The following TTC6 variants were observed in gnomAD, a reference collection of about 807,000 sequenced individuals.
TTC6 encodes tetratricopeptide repeat domain 6.
TTC6 carries 172 observed loss-of-function variants against 210.4 expected under a neutral mutation model. That is an observed-to-expected ratio of 0.82 (90% confidence interval 0.72 to 0.93). The LOEUF is 0.93. Ranked by LOEUF, TTC6 falls within the 40% of genes least tolerant of loss-of-function variation. The pLI, the probability that TTC6 is intolerant of heterozygous loss-of-function variation, is 0.00. For missense variants in TTC6, 2,414 were observed against 2,318.1 expected (o/e 1.04, Z -0.85); for synonymous variants, 804 against 819.6 (o/e 0.98, Z 0.32).
At chr14:37,802,044 C>T (rs766139783) in intron 20 of TTC6, 11 of 152,116 alleles carry the variant, frequency 7.2e-5, no homozygotes, top group South Asian at 2.1e-4. Flanking sequence ...TACATACACA[C>T]GATGGAATAT....
intron 1 of TTC6, among the ~76,000 whole-genome samples, chr14:37,636,795 A>G (rs1392866713): frequency 6.6e-6 from 1 of 152,260 alleles, no homozygotes; most frequent in African/African-American, 2.4e-5. Flanking sequence ...TATTATAGTT[A>G]TAGAAAAACA....
chr14:37,610,028 G>T (rs1285018781), intron 2 of TTC6, among the ~76,000 whole-genome samples: 1 of 152,176 alleles, frequency 6.6e-6, no homozygotes, highest in African/African-American at 2.4e-5. Context: ...ATTAGGGAGT[G>T]AAATAACAGA....
chr14:37,810,955 T>G (rs2096128359), intron 24 of TTC6, among the ~76,000 whole-genome samples: 1 of 152,170 alleles, frequency 6.6e-6, no homozygotes, highest in Non-Finnish European at 1.5e-5. Context: ...ATATGATGAA[T>G]TTTTAACACC....
chr14:37,750,146 A>G (rs1203196878), intron 12 of TTC6, among the ~76,000 whole-genome samples: 4 of 152,204 alleles, frequency 2.6e-5, no homozygotes. Context: ...TAATTTACAA[A>G]TCACTCTTTG....
rs1317272116 is a variant in TTC6, at chr14:37,753,284, A to G, written c.3266+49A>G. The G allele has an allele frequency of 3.5e-6, 5 of 1,431,610 alleles. No individual in the cohort carries two copies. The South Asian group carries it at 5.4e-5, about 16-fold the overall frequency. The allele number at this position is 1,431,610 out of a possible 1,614,324, so 88.7% of individuals were successfully genotyped here. A position where few individuals can be genotyped will look rare whatever the true frequency, so the allele number is the denominator to read the frequency against. On this transcript the variant is annotated intron_variant, in intron 14 of 30. Coordinates refer to ENST00000553443, the Ensembl canonical transcript of TTC6. ...TTTAAAATTATTACTATTATTTGAA[A>G]TACATTTTCAGAACAGAAAATTGCT...
intron 10 of TTC6, among the ~76,000 whole-genome samples, chr14:37,742,584 A>ATTTTT (rs35369139): frequency 6.9e-6 from 1 of 145,894 alleles, no homozygotes; most frequent in African/African-American, 2.5e-5. Context: ...TAATTTTTGC[A>ATTTTT]TTTTTTTTTT....
chr14:37,618,458 A>T (rs77743811), upstream of TTC6, among the ~76,000 whole-genome samples: 1,909 of 152,342 alleles, frequency 0.013, 22 homozygotes, highest in Non-Finnish European at 0.019. Flanking sequence ...TATTTGACAC[A>T]TCATGTAGAT....
chr14:37,841,505 A>G, exon 30 of TTC6: 1 of 1,599,102 alleles, frequency 6.3e-7, no homozygotes, highest in South Asian at 1.2e-5. Context: ...TGTTCTCATG[A>G]ATCGAGCTAT....
chr14:37,648,178 G>A (rs1374568245), intron 1 of TTC6, among the ~76,000 whole-genome samples: 2 of 152,166 alleles, frequency 1.3e-5, no homozygotes, highest in East Asian at 1.9e-4. Context: ...TTTAATGAAA[G>A]TGGTGATAAT....
At position 37,598,115 on chromosome 14, in the gene TTC6, C is replaced by T. The variant is rs2095608055; in HGVS notation, c.-235+2107C>T. Among the ~76,000 whole-genome samples, 1 of 152,178 alleles carries T rather than the reference C, an allele frequency of 6.6e-6. No individual in the cohort carries two copies. The highest frequency in any genetic ancestry group is 2.1e-4 in the South Asian group (1 of 4,836). On this transcript the variant is annotated intron_variant, in intron 1 of 2. Coordinates refer to the TTC6 transcript ENST00000556845. This position sits in a 1 kb window ranked among gnomAD's most constrained non-coding sequence, Gnocchi z 4.9. ...CGGTAGCCAGGTCCAGCGGCTGCAG[C>T]CTGCTCTTTTCCAACCTCTTTTCCC...
chr14:37,608,096 G>A (rs7144783), intron 2 of TTC6, among the ~76,000 whole-genome samples: 1 of 152,086 alleles, frequency 6.6e-6, no homozygotes, highest in African/African-American at 2.4e-5. Flanking sequence ...TTAGCCAATT[G>A]AAAATTTGGA....
intron 1 of TTC6, among the ~76,000 whole-genome samples, chr14:37,673,435 T>G (rs1304371452): frequency 1.3e-5 from 2 of 152,196 alleles, no homozygotes; most frequent in Non-Finnish European, 2.9e-5. Flanking sequence ...CTTGACTAAG[T>G]GCTGATGAAA....
intron 14 of TTC6, among the ~76,000 whole-genome samples, chr14:37,783,772 C>A (rs1330146696): frequency 6.6e-6 from 1 of 152,098 alleles, no homozygotes; most frequent in African/African-American, 2.4e-5. Context: ...GCATTTAGTG[C>A]TATAAATTTC....
At chr14:37,628,052 C>T (rs2095663355) in intron 1 of TTC6, among the ~76,000 whole-genome samples, 1 of 152,200 alleles carries the variant, frequency 6.6e-6, no homozygotes, top group South Asian at 2.1e-4. Context: ...CTCACTGCAA[C>T]CTCCACCTCC....
At chr14:37,670,606 G>A (rs1280315383) in intron 1 of TTC6, among the ~76,000 whole-genome samples, 1 of 151,496 alleles carries the variant, frequency 6.6e-6, no homozygotes, top group Non-Finnish European at 1.5e-5. Context: ...GAGTAGCTGG[G>A]ATTACAGGCA....
At chr14:37,745,488 T>C (rs1301716065) in intron 10 of TTC6, among the ~76,000 whole-genome samples, 7 of 152,170 alleles carry the variant, frequency 4.6e-5, no homozygotes, top group African/African-American at 7.2e-5. Context: ...TTCCGAGATT[T>C]CCACTTGGCC....
chr14:37,622,353 G>T, exon 1 of TTC6: 1 of 1,531,204 alleles, frequency 6.5e-7, no homozygotes, highest in Non-Finnish European at 8.7e-7. Flanking sequence ...GCTCGGAGGC[G>T]CGCCGCGTCC....
intron 1 of TTC6, among the ~76,000 whole-genome samples, chr14:37,648,627 AT>A (rs2095705865): frequency 6.6e-6 from 1 of 151,892 alleles, no homozygotes; most frequent in African/African-American, 2.4e-5. Context: ...TAAGAGAGGG[AT>A]TATATTTTCC....
intron 14 of TTC6, among the ~76,000 whole-genome samples, chr14:37,781,820 G>A (rs1839930028): frequency 6.6e-6 from 1 of 152,146 alleles, no homozygotes; most frequent in African/African-American, 2.4e-5. Context: ...GTAAGGAAGG[G>A]ATCCAGTTTC....
Sources: gnomAD v4.1 joint callset for allele counts (sites outside exome capture counted in the v4.1 genomes callset) on GRCh38, gnomAD v4.1.1 for gene constraint, Gnocchi (gnomAD v3.1) non-coding constraint, MANE v1.5 for transcripts, NCBI Gene and HGNC (gene_info 2026-07-23, HGNC 2026-07-21) for gene names.